Variants in COL4A4 observed in about 807,000 individuals in gnomAD.
COL4A4 encodes the protein collagen type IV alpha 4 chain.
COL4A4 carries 105 observed loss-of-function variants against 192.9 expected under a neutral mutation model. That is an observed-to-expected ratio of 0.54 (90% CI 0.46 to 0.64). COL4A4 has a LOEUF of 0.64. Among genes scored for constraint, COL4A4 ranks in the 30% least tolerant of loss-of-function variants. The pLI is 0.00. For synonymous variants in COL4A4, 762 were observed against 769.9 expected (o/e 0.99, Z 0.17); for missense variants, 1,967 against 2,169.3 (o/e 0.91, Z 1.85).
At chr2:227,053,196 A>C (rs987691635) in intron 31 of COL4A4, among the ~76,000 whole-genome samples, 7 of 149,922 alleles carry the variant, frequency 4.7e-5, no homozygotes, top group Non-Finnish European at 1.0e-4. Flanking sequence ...AGCAAACATC[A>C]CTTATCTAAG....
At chr2:227,106,810 C>T (rs1447890192) in intron 12 of COL4A4, among the ~76,000 whole-genome samples, 1 of 152,210 alleles carries the variant, frequency 6.6e-6, no homozygotes, top group African/African-American at 2.4e-5. Flanking sequence ...AGGTGATCCA[C>T]CCACCTCGGC....
chr2:227,048,665 C>T (rs1387102451), intron 34 of COL4A4, among the ~76,000 whole-genome samples: 1 of 152,160 alleles, frequency 6.6e-6, no homozygotes, highest in East Asian at 1.9e-4. Context: ...CATGAGACAT[C>T]TTTGACTCCA....
At chr2:227,158,472 A>G (rs1200626224) in intron 1 of COL4A4, among the ~76,000 whole-genome samples, 5 of 152,132 alleles carry the variant, frequency 3.3e-5, no homozygotes. Context: ...GAAAAAAATT[A>G]TAAATTATAT....
At chr2:227,072,565 T>C (rs1168926802) in intron 25 of COL4A4, among the ~76,000 whole-genome samples, 1 of 151,856 alleles carries the variant, frequency 6.6e-6, no homozygotes, top group Non-Finnish European at 1.5e-5. Context: ...TAAGCTAGTA[T>C]CATCCTGATA....
chr2:226,993,128 G>A, the COL4A4 span, among the ~76,000 whole-genome samples: 2 of 152,166 alleles, frequency 1.3e-5, no homozygotes, highest in East Asian at 3.8e-4. Flanking sequence ...GCTGGACCTC[G>A]GGCATCTTCC....
At position 227,007,880 on chromosome 2, in the gene COL4A4, A is replaced by G. The variant is rs184521264; in HGVS notation, c.4809+138T>C. 2.7e-4 allele frequency: 287 copies of G among 1,071,152 alleles called. No homozygotes were observed. The African/African-American group carries it at 3.9e-3, about 15-fold the overall frequency. The allele number at this position is 1,071,152 out of a possible 1,614,324, so 66.4% of individuals were successfully genotyped here. On this transcript the variant is annotated intron_variant, in intron 47 of 47. Coordinates refer to ENST00000396625, the MANE Select transcript of COL4A4 (RefSeq NM_000092.5). ...TAATGGCCCTGCATCCCAACAGGCTATGGTTTGCAACAGTCCCCGTAACCT... is the reference window on the plus strand; with the variant it reads ...TAATGGCCCTGCATCCCAACAGGCTGTGGTTTGCAACAGTCCCCGTAACCT...
the COL4A4 span, chr2:226,988,275 C>G: frequency 6.6e-7 from 1 of 1,513,510 alleles, no homozygotes; most frequent in Non-Finnish European, 8.9e-7. Flanking sequence ...GAGGAGGCCA[C>G]TGTAAGTCTC....
intron 7 of COL4A4, among the ~76,000 whole-genome samples, chr2:227,116,583 G>T (rs1027731785): frequency 1.3e-5 from 2 of 152,134 alleles, no homozygotes; most frequent in East Asian, 1.9e-4. Context: ...ATGAAGCAAA[G>T]AAATGAAAAT....
Position 227,007,583 on chromosome 2 carries a change from T to C in COL4A4, c.4815A>G (p.Thr1605=), listed in dbSNP as rs1290333773. 1 of 1,612,438 alleles carries C rather than the reference T, an allele frequency of 6.2e-7. No individual in the cohort carries two copies. The highest frequency in any genetic ancestry group is 2.2e-5 in the East Asian group (1 of 44,880). ...LWIGYSFLMH[T]GAGDQGGGQA... is the part of the protein sequence containing the mutation. ...GCCCTCCTCCTTGGTCCCCAGCTCC[T>C]GTGTGCTACCCAGAAAACAAGAGAG... Residue 1605 remains threonine, a synonymous_variant, in exon 48 of 48, where the codon ACA becomes ACG. Transcript: ENST00000396625.
chr2:227,029,614 C>A (rs537094393), intron 41 of COL4A4, among the ~76,000 whole-genome samples: 1 of 152,220 alleles, frequency 6.6e-6, no homozygotes, highest in Non-Finnish European at 1.5e-5. Context: ...TCAACTGTTG[C>A]TTTTCTGATA....
Position 227,119,911 on chromosome 2 carries a change from C to A in COL4A4, c.356G>T (p.Gly119Val). 6.3e-7 allele frequency: 1 copy of A among 1,585,304 alleles called. No individual in the cohort carries two copies. The highest frequency in any genetic ancestry group is 8.6e-7 in the Non-Finnish European group (1 of 1,164,554). ...GATACTTACAGGTATGCCATCTAAA[C>A]CTGGAAATCCAGGAACACCAGTTGG... is the stretch of plus-strand genomic sequence containing the variant. ...KGPTGVPGFP[G>V]LDGIPGHPGP... The change falls in exon 6 of 48, where the codon GGT (glycine) becomes GTT (valine). Residue 119 changes from glycine (G) to valine (V), a missense_variant. By Grantham distance (109) the Gly-to-Val change is moderately radical. Transcript: ENST00000396625.
intron 3 of COL4A4, among the ~76,000 whole-genome samples, chr2:227,142,627 C>T (rs976607401): frequency 1.3e-5 from 2 of 151,878 alleles, no homozygotes; most frequent in Admixed American, 1.3e-4. Flanking sequence ...TGTGATGGCA[C>T]ATGCCTGGAA....
At chr2:226,975,402 G>A in the COL4A4 span, among the ~76,000 whole-genome samples, 11 of 152,054 alleles carry the variant, frequency 7.2e-5, no homozygotes, top group African/African-American at 1.9e-4. Flanking sequence ...AGGGAGGCCC[G>A]AACTCAATGA....
chr2:227,028,261 A>C (rs1403509653), intron 41 of COL4A4, among the ~76,000 whole-genome samples: 2 of 152,218 alleles, frequency 1.3e-5, no homozygotes, highest in African/African-American at 4.8e-5. Context: ...AATGAAAAGA[A>C]GTCCTATAAC....
the COL4A4 span, chr2:226,988,389 G>A: frequency 6.4e-7 from 1 of 1,550,520 alleles, no homozygotes; most frequent in East Asian, 2.4e-5. Flanking sequence ...ATAAAGGTCA[G>A]AACAGACAAA....
intron 21 of COL4A4, among the ~76,000 whole-genome samples, chr2:227,089,611 A>ATATATATATATATATATG (rs1491267361): frequency 8.4e-5 from 10 of 119,650 alleles, no homozygotes; most frequent in African/African-American, 4.3e-4. Context: ...ATATATATAC[A>ATATATATATATATATATG]TACATATATA....
intron 26 of COL4A4, among the ~76,000 whole-genome samples, chr2:227,061,784 G>A (rs1031054918): frequency 2.0e-5 from 3 of 152,216 alleles, no homozygotes; most frequent in African/African-American, 7.2e-5. Flanking sequence ...TGATTCAAAT[G>A]AAGCTGTTGC....
chr2:226,980,510 A>G, the COL4A4 span, among the ~76,000 whole-genome samples: 1 of 152,136 alleles, frequency 6.6e-6, no homozygotes, highest in African/African-American at 2.4e-5. Flanking sequence ...TGACATGAGC[A>G]AGTCAGATCT....
chr2:227,037,193 G>A (rs949977686), intron 37 of COL4A4, among the ~76,000 whole-genome samples: 2 of 152,036 alleles, frequency 1.3e-5, no homozygotes, highest in Admixed American at 6.6e-5. Flanking sequence ...CCATCAACCC[G>A]ACATCTGTAT....
Sources: allele counts gnomAD v4.1 joint callset (sites outside exome capture counted in the v4.1 genomes callset), GRCh38; gene constraint gnomAD v4.1.1; transcripts MANE v1.5; gene names NCBI Gene and HGNC (gene_info 2026-07-23, HGNC 2026-07-21).